BRF1: variants seen among roughly 807,000 people sequenced by gnomAD.
The protein encoded by BRF1 is BRF1 general transcription factor IIIB subunit.
A neutral mutation model predicts 81.7 loss-of-function variants in BRF1; 59 were observed. The ratio of observed to expected loss-of-function variants is 0.72; its 90% CI spans 0.59 to 0.90. The LOEUF is 0.90. BRF1 is among the 40% of genes least tolerant of loss of function. The probability of loss-of-function intolerance (pLI) is 0.00; values close to 1 mark genes in which losing one functional copy is unlikely to be tolerated. For synonymous variants in BRF1, 491 were observed against 395.6 expected, an observed-to-expected ratio of 1.24 and a Z score of -2.86; for missense variants, 1,050 against 936.3, an observed-to-expected ratio of 1.12 and a Z score of -1.58.
intron 4 of BRF1, among the ~76,000 whole-genome samples, chr14:105,253,793 C>T (rs2055735237): frequency 6.6e-6 from 1 of 152,332 alleles, no homozygotes; most frequent in East Asian, 1.9e-4. Flanking sequence ...TGGTGGCTCA[C>T]AGAGTGTGCC....
rs182498603 is a variant in BRF1, at chr14:105,284,790, C to G, written c.265+1506G>C. 2.0e-5 allele frequency among the ~76,000 whole-genome samples: 3 copies of G among 151,184 alleles called. No homozygotes were observed. Among genetic ancestry groups the G allele is most frequent in the Admixed American group, 2.0e-4 (3 of 15,222 alleles). ...CACCACTGCTATTCAATGTGGTAAA[C>G]AAAAAAAACAAAAACAAAAAACAGG... On this transcript the variant is annotated intron_variant, in intron 2 of 17. Transcript: ENST00000547530. This position sits in a 1 kb window ranked among gnomAD's most constrained non-coding sequence, Gnocchi z 4.0.
chr14:105,247,542 T>C (rs185478855), intron 5 of BRF1: 6 of 985,394 alleles, frequency 6.1e-6, no homozygotes, highest in Admixed American at 6.1e-5. Context: ...AAATATCTTC[T>C]GAAGAGGACT....
chr14:105,256,668 T>C, intron 3 of BRF1, 119 bp from the exon 4 acceptor site: 1 of 1,448,410 alleles, frequency 6.9e-7, no homozygotes, highest in South Asian at 1.4e-5. Context: ...CCTCCAAATA[T>C]AAGCTCCACC....
intron 3 of BRF1, among the ~76,000 whole-genome samples, chr14:105,272,433 A>G (rs1006063529): frequency 2.0e-5 from 3 of 152,222 alleles, no homozygotes; most frequent in Non-Finnish European, 4.4e-5. Context: ...TAGGTCCACA[A>G]GTGGGGAGAA....
At chr14:105,296,098 A>C (rs1375399145) in intron 1 of BRF1, among the ~76,000 whole-genome samples, 3 of 151,504 alleles carry the variant, frequency 2.0e-5, no homozygotes, top group African/African-American at 4.8e-5. Flanking sequence ...AAAAAAAAAA[A>C]AAAACTCAAG....
At position 105,226,243 on chromosome 14, in the gene BRF1, T is replaced by G. The variant is rs1362049196; in HGVS notation, c.955+8A>C. 1 of 1,613,950 alleles carries G rather than the reference T, an allele frequency of 6.2e-7. No homozygotes were observed. The highest frequency in any genetic ancestry group is 8.5e-7 in the Non-Finnish European group (1 of 1,180,040). On this transcript the variant is annotated splice_region_variant and intron_variant, in intron 9 of 17. Coordinates refer to ENST00000547530, the MANE Select transcript of BRF1 (RefSeq NM_001519.4). Reference sequence around the variant, plus strand: ...CAGAAGCATTACATGGGAAGATTGGTTGGTTACCTTCAACCTCCTCCAGTT... The same window carrying G: ...CAGAAGCATTACATGGGAAGATTGGGTGGTTACCTTCAACCTCCTCCAGTT...
At chr14:105,312,545 C>T (rs1470850884) in intron 1 of BRF1, among the ~76,000 whole-genome samples, 1 of 152,182 alleles carries the variant, frequency 6.6e-6, no homozygotes, top group Admixed American at 6.5e-5. Context: ...CACCTGTGCT[C>T]CAAACACGGG....
Position 105,250,047 on chromosome 14 carries a change from G to A in BRF1, c.544+2460C>T, listed in dbSNP as rs2055500675. The A allele has an allele frequency of 6.2e-6, 10 of 1,612,964 alleles. No individual in the cohort carries two copies. Among genetic ancestry groups the A allele is most frequent in the South Asian group, 1.1e-5 (1 of 91,086 alleles). ...CGAAACAAGAGGCATGTTCTGGGGC[G>A]AGCCCTCTATCTGGTCCGAATTCCA... On this transcript the variant is annotated intron_variant, in intron 5 of 17. Transcript: ENST00000547530.
intron 3 of BRF1, among the ~76,000 whole-genome samples, chr14:105,258,421 G>A (rs1486538281): frequency 1.3e-5 from 2 of 150,810 alleles, no homozygotes; most frequent in African/African-American, 2.4e-5. Flanking sequence ...CCCAGAAGGC[G>A]GAGCTTGCAG....
At chr14:105,270,417 C>T (rs1409289038) in intron 3 of BRF1, among the ~76,000 whole-genome samples, 4 of 151,852 alleles carry the variant, frequency 2.6e-5, no homozygotes, top group African/African-American at 7.3e-5. Flanking sequence ...CCTCGTGATC[C>T]GCCCACCTAG....
intron 3 of BRF1, among the ~76,000 whole-genome samples, chr14:105,264,489 A>C (rs770250462): frequency 2.6e-5 from 4 of 151,736 alleles, no homozygotes; most frequent in Admixed American, 2.6e-4. Context: ...ACAGTGAAAC[A>C]CCGTCTCTAC....
intron 2 of BRF1, among the ~76,000 whole-genome samples, chr14:105,283,469 G>A (rs924125045): frequency 1.3e-5 from 2 of 152,160 alleles, no homozygotes; most frequent in Non-Finnish European, 2.9e-5. Flanking sequence ...TGGGGGCCCC[G>A]CAGCTTCCCC....
intron 3 of BRF1, among the ~76,000 whole-genome samples, chr14:105,257,345 G>C (rs1327393118): frequency 6.6e-6 from 1 of 152,144 alleles, no homozygotes; most frequent in Admixed American, 6.6e-5. Flanking sequence ...GAAGATCCCC[G>C]GGACCAGAGC....
chr14:105,218,366 C>A (rs1891676845), intron 14 of BRF1, among the ~76,000 whole-genome samples: 1 of 152,184 alleles, frequency 6.6e-6, no homozygotes, highest in African/African-American at 2.4e-5. Context: ...CTGGGACGTG[C>A]TGCTGGGTGG....
intron 15 of BRF1, among the ~76,000 whole-genome samples, chr14:105,213,714 C>G (rs1232072636): frequency 6.6e-6 from 1 of 152,184 alleles, no homozygotes; most frequent in African/African-American, 2.4e-5. Flanking sequence ...ACAGACAAGT[C>G]CAGCTTTTCC....
At chr14:105,241,820 G>A in intron 5 of BRF1, 1 of 227,124 alleles carries the variant, frequency 4.4e-6, no homozygotes, top group Non-Finnish European at 9.0e-6. Flanking sequence ...CAGCCGGCCG[G>A]CATCAGCTGA....
At chr14:105,265,060 T>TTTG (rs2056344302) in intron 3 of BRF1, among the ~76,000 whole-genome samples, 2 of 146,544 alleles carry the variant, frequency 1.4e-5, no homozygotes, top group African/African-American at 5.1e-5. Flanking sequence ...TTTTGTTTTT[T>TTTG]TTTTGTTTGT....
Position 105,220,055 on chromosome 14 carries a change from G to T in BRF1, c.1377+14C>A. On this transcript the variant is annotated intron_variant, in intron 12 of 17. Coordinates refer to ENST00000547530, the MANE Select transcript of BRF1 (RefSeq NM_001519.4). ...CAAGCCCAGCCCCTCTTGGGAAGGGGTGCTGCCACGTACCCTGTCAATCTC... is the reference window on the plus strand; with the variant it reads ...CAAGCCCAGCCCCTCTTGGGAAGGGTTGCTGCCACGTACCCTGTCAATCTC... 2.5e-6 allele frequency: 4 copies of T among 1,611,338 alleles called. No homozygotes were observed. Among genetic ancestry groups the T allele is most frequent in the Non-Finnish European group, 2.5e-6 (3 of 1,179,978 alleles).
chr14:105,245,573 A>G (rs587688589), intron 5 of BRF1, among the ~76,000 whole-genome samples: 8 of 151,528 alleles, frequency 5.3e-5, no homozygotes, highest in South Asian at 2.1e-4. Context: ...AACAGAACAG[A>G]ACAGGACAGG....
Sources: gnomAD v4.1 joint callset for allele counts (sites outside exome capture counted in the v4.1 genomes callset) on GRCh38, gnomAD v4.1.1 for gene constraint, Gnocchi (gnomAD v3.1) non-coding constraint, MANE v1.5 for transcripts, NCBI Gene and HGNC (gene_info 2026-07-23, HGNC 2026-07-21) for gene names.